Variants in FSCN2 observed in about 807,000 individuals in gnomAD.
FSCN2 encodes the protein fascin actin-bundling protein 2, retinal.
A neutral mutation model predicts 37.8 loss-of-function variants in FSCN2; 46 were observed. The observed-to-expected ratio is 1.22, with a 90% CI of 0.96 to 1.56. The LOEUF (loss-of-function observed/expected upper bound fraction) is 1.56. FSCN2 is among the 40% of genes most tolerant of loss of function. FSCN2 has a pLI of 0.00. For missense variants in FSCN2, 844 were observed against 730.4 expected (o/e 1.16, Z -1.79); for synonymous variants, 351 against 309.4 (o/e 1.13, Z -1.41).
chr17:81,516,466 T>G, the FSCN2 span, among the ~76,000 whole-genome samples: 1 of 152,214 alleles, frequency 6.6e-6, no homozygotes, highest in Non-Finnish European at 1.5e-5. Context: ...CACACCCTTT[T>G]GGACAGATGA....
At chr17:81,525,781 CTTA>C (rs1249166219), upstream of FSCN2, among the ~76,000 whole-genome samples, 4 of 152,312 alleles carry the variant, frequency 2.6e-5, no homozygotes, top group African/African-American at 9.6e-5. Context: ...ATCTCAGGCA[CTTA>C]TTAAGTACCT....
intron 1 of FSCN2, among the ~76,000 whole-genome samples, chr17:81,531,318 A>ATGATGG (rs1568077132): frequency 1.3e-4 from 5 of 39,950 alleles, no homozygotes; most frequent in African/African-American, 5.1e-4. Flanking sequence ...GGTGGTGGTG[A>ATGATGG]TGATGGTGGT....
chr17:81,536,801 G>C lies in FSCN2; in HGVS notation c.1273+12G>C. The C allele has an allele frequency of 6.4e-7, 1 of 1,574,736 alleles. No individual in the cohort carries two copies. Among genetic ancestry groups the C allele is most frequent in the Non-Finnish European group, 8.6e-7 (1 of 1,157,878 alleles). On this transcript the variant is annotated intron_variant, in intron 4 of 4. Transcript: ENST00000417245. ...CTACCGGATCCGAGGTGCGTGGCGG[G>C]GCGGGTGGGCACGCGGGAGCGGGGG...
chr17:81,523,766 G>C (rs1352460892), upstream of FSCN2: 1 of 152,314 alleles, frequency 6.6e-6, no homozygotes, highest in Non-Finnish European at 1.5e-5. Context: ...GAAAGGCGTG[G>C]TCCTCAGCCG....
chr17:81,534,973 G>A (rs1598579333), intron 1 of FSCN2, 79 bp from the exon 2 acceptor site: 7 of 1,085,746 alleles, frequency 6.4e-6, no homozygotes, highest in Non-Finnish European at 8.9e-6. Context: ...TGGCTTCAGG[G>A]GTGCCCCCCA....
At chr17:81,517,082 G>A in the FSCN2 span, among the ~76,000 whole-genome samples, 28 of 152,056 alleles carry the variant, frequency 1.8e-4, no homozygotes, top group Non-Finnish European at 1.5e-5. Flanking sequence ...GGCGGTGTGG[G>A]CACTCTACAC....
chr17:81,531,889 C>CGATGATGGTGATAGTGATGGT (rs2032649400), intron 1 of FSCN2, among the ~76,000 whole-genome samples: 1 of 14,976 alleles, frequency 6.7e-5, no homozygotes, highest in Admixed American at 5.9e-4. Flanking sequence ...ATGGTGATGG[C>CGATGATGGTGATAGTGATGGT]GATGATGGTG....
chr17:81,525,671 G>A (rs561551672), upstream of FSCN2, among the ~76,000 whole-genome samples: 1 of 152,292 alleles, frequency 6.6e-6, no homozygotes, highest in East Asian at 1.9e-4. Flanking sequence ...GTTGCAGTGA[G>A]CCAAGATTGT....
upstream of FSCN2, among the ~76,000 whole-genome samples, chr17:81,526,290 C>G (rs1555670093): frequency 6.6e-6 from 1 of 152,188 alleles, no homozygotes; most frequent in African/African-American, 2.4e-5. Flanking sequence ...CACAGCTGCC[C>G]CTCCGGCTTC....
upstream of FSCN2, among the ~76,000 whole-genome samples, chr17:81,526,555 C>T (rs182357454): frequency 3.9e-3 from 596 of 152,278 alleles, 3 homozygotes; most frequent in African/African-American, 0.014. Flanking sequence ...TGCTTGAGCT[C>T]GAAGGTTCCA....
rs1598581775 is a variant in FSCN2 at position 81,536,324 on chromosome 17, A to G, written c.1105+57A>G. 3.2e-6 allele frequency: 5 copies of G among 1,547,948 alleles called. No individual in the cohort carries two copies. In the South Asian group the frequency reaches 4.7e-5, roughly 15 times the overall value. On this transcript the variant is annotated intron_variant, in intron 3 of 4. Transcript: ENST00000417245. ...GGGGCTGTCTCCACCCAGGGAAAGG[A>G]CCTGCCCAGACACCCCATCTCCACC...
upstream of FSCN2, among the ~76,000 whole-genome samples, chr17:81,527,991 G>C (rs1459469329): frequency 2.6e-5 from 4 of 152,114 alleles, no homozygotes; most frequent in Non-Finnish European, 5.9e-5. Flanking sequence ...GGCCACCGAG[G>C]GTACGGGCGG....
the FSCN2 span, among the ~76,000 whole-genome samples, chr17:81,517,130 C>T: frequency 5.9e-5 from 9 of 151,962 alleles, no homozygotes; most frequent in South Asian, 1.0e-3. Flanking sequence ...ACACTCAGGC[C>T]GAGAGTCCCT....
At chr17:81,531,318 ATGATGGTGGTGGTGG>A (rs1659075838) in intron 1 of FSCN2, among the ~76,000 whole-genome samples, 5 of 39,902 alleles carry the variant, frequency 1.3e-4, no homozygotes, top group African/African-American at 2.1e-4. Context: ...GGTGGTGGTG[ATGATGGTGGTGGTGG>A]TGATGGTGGT....
chr17:81,516,048 T>G, the FSCN2 span, among the ~76,000 whole-genome samples: 2 of 152,260 alleles, frequency 1.3e-5, no homozygotes, highest in Non-Finnish European at 2.9e-5. Context: ...TTTCACCATG[T>G]TGGCCAGGCT....
chr17:81,524,143 T>C (rs976424877), upstream of FSCN2, among the ~76,000 whole-genome samples: 1 of 152,150 alleles, frequency 6.6e-6, no homozygotes, highest in African/African-American at 2.4e-5. Flanking sequence ...TCGGGAAACC[T>C]GAGGGTGGAC....
At chr17:81,517,769 C>A in the FSCN2 span, among the ~76,000 whole-genome samples, 928 of 151,312 alleles carry the variant, frequency 6.1e-3, 26 homozygotes, top group African/African-American at 0.021. Flanking sequence ...CGCCCCCCCC[C>A]CCTCCAGTCC....
upstream of FSCN2, among the ~76,000 whole-genome samples, chr17:81,526,555 C>A (rs182357454): frequency 8.5e-5 from 13 of 152,160 alleles, no homozygotes; most frequent in African/African-American, 2.7e-4. Flanking sequence ...TGCTTGAGCT[C>A]GAAGGTTCCA....
At chr17:81,531,327 GTGGTGGTGA>G (rs879948228) in intron 1 of FSCN2, among the ~76,000 whole-genome samples, 1 of 103,824 alleles carries the variant, frequency 9.6e-6, no homozygotes, top group Non-Finnish European at 1.8e-5. Flanking sequence ...GATGATGGTG[GTGGTGGTGA>G]TGGTGGTGGT....
Sources: gnomAD v4.1 joint callset for allele counts (sites outside exome capture counted in the v4.1 genomes callset) on GRCh38, gnomAD v4.1.1 for gene constraint, MANE v1.5 for transcripts, NCBI Gene and HGNC (gene_info 2026-07-23, HGNC 2026-07-21) for gene names.